Variants in ALK observed in about 807,000 individuals in gnomAD.
ALK encodes ALK tyrosine kinase receptor.
A neutral mutation model predicts 163.1 loss-of-function variants in ALK; 74 were observed. The observed-to-expected ratio is 0.45, with a 90% CI of 0.38 to 0.55. ALK has a LOEUF of 0.55. Ranked by LOEUF, ALK falls within the 20% of genes least tolerant of loss-of-function variation. The pLI is 0.00. For missense variants in ALK, 2,063 were observed against 2,105.3 expected (o/e 0.98, Z 0.39); for synonymous variants, 960 against 843.2 (o/e 1.14, Z -2.40).
intron 3 of ALK, among the ~76,000 whole-genome samples, chr2:29,686,777 G>A (rs1042342550): frequency 4.6e-5 from 7 of 152,192 alleles, no homozygotes; most frequent in African/African-American, 1.7e-4. Flanking sequence ...TGATGGGGAG[G>A]TGAACAATAC....
chr2:29,563,947 C>A (rs1304609263), intron 3 of ALK, among the ~76,000 whole-genome samples: 4 of 152,182 alleles, frequency 2.6e-5, no homozygotes, highest in Non-Finnish European at 5.9e-5. Context: ...TTTGTGGTCA[C>A]CTGCCACCTC....
intron 1 of ALK, among the ~76,000 whole-genome samples, chr2:29,840,788 T>C (rs1190611294): frequency 1.3e-5 from 2 of 152,262 alleles, no homozygotes; most frequent in African/African-American, 4.8e-5. Flanking sequence ...AAAATACTTC[T>C]ATTGCATTAT....
At chr2:29,621,923 T>A (rs1676048508) in intron 3 of ALK, among the ~76,000 whole-genome samples, 1 of 151,796 alleles carries the variant, frequency 6.6e-6, no homozygotes. Flanking sequence ...CTGGTGGGAA[T>A]AAGAAGAAGC....
chr2:29,860,314 G>A (rs1666247161), intron 1 of ALK, among the ~76,000 whole-genome samples: 1 of 150,262 alleles, frequency 6.7e-6, no homozygotes, highest in Non-Finnish European at 1.5e-5. Context: ...CTCTTGTTAG[G>A]AAGTCTCTTG....
intron 1 of ALK, among the ~76,000 whole-genome samples, chr2:29,734,999 T>C (rs1679852885): frequency 6.6e-6 from 1 of 152,216 alleles, no homozygotes; most frequent in Non-Finnish European, 1.5e-5. Context: ...ATGTGTAAAT[T>C]GCTATGCACA....
intron 1 of ALK, among the ~76,000 whole-genome samples, chr2:29,852,408 C>G (rs1391904436): frequency 6.6e-6 from 1 of 152,106 alleles, no homozygotes; most frequent in Non-Finnish European, 1.5e-5. Context: ...CATTACCTAC[C>G]AAGATGGGCC....
Position 29,831,283 on chromosome 2 carries a change from A to G in ALK, c.667+88710T>C, listed in dbSNP as rs1317766852. The stretch of plus-strand genomic sequence containing the variant: ...AGGAAGAAGAAGAAGAAGAAGAAGA[A>G]GAAGAAGAAGAAGAAGAAGAAGAAG... On this transcript the variant is annotated intron_variant, in intron 1 of 28. Transcript: ENST00000389048. Among the ~76,000 whole-genome samples the G allele has an allele frequency of 1.2e-4, 16 of 135,508 alleles. 1 individual carries two copies. The highest frequency in any genetic ancestry group is 2.8e-4 in the South Asian group (1 of 3,624). The allele number at this position is 135,508 out of a possible 152,430, so 88.9% of individuals were successfully genotyped here.
intron 5 of ALK, among the ~76,000 whole-genome samples, chr2:29,382,906 A>G (rs1241559825): frequency 5.9e-5 from 9 of 152,242 alleles, no homozygotes; most frequent in Admixed American, 1.3e-4. Context: ...ATGAAGAGCC[A>G]CAGGGGCAAA....
intron 3 of ALK, among the ~76,000 whole-genome samples, chr2:29,659,008 A>G (rs533711354): frequency 2.6e-4 from 40 of 152,254 alleles, no homozygotes; most frequent in Non-Finnish European, 4.3e-4. Context: ...AAGCAAACCC[A>G]TGTATCTCAC....
chr2:29,630,093 C>A (rs1469390194), intron 3 of ALK, among the ~76,000 whole-genome samples: 3 of 152,038 alleles, frequency 2.0e-5, no homozygotes, highest in African/African-American at 7.2e-5. Context: ...AGAGTCTGGG[C>A]GGAAATTTGA....
chr2:29,741,683 AC>A (rs1463553314), intron 1 of ALK, among the ~76,000 whole-genome samples: 1 of 151,972 alleles, frequency 6.6e-6, no homozygotes, highest in East Asian at 1.9e-4. Flanking sequence ...ACCAAGCTCA[AC>A]CCCTTTCTTA....
At chr2:29,538,185 TA>T (rs1221037256) in intron 3 of ALK, among the ~76,000 whole-genome samples, 1 of 151,652 alleles carries the variant, frequency 6.6e-6, no homozygotes, top group Non-Finnish European at 1.5e-5. Flanking sequence ...AAGGACATGA[TA>T]TTTGGGGGGG....
intron 3 of ALK, among the ~76,000 whole-genome samples, chr2:29,609,970 G>C (rs1268467340): frequency 1.3e-5 from 2 of 152,196 alleles, no homozygotes; most frequent in Non-Finnish European, 1.5e-5. Flanking sequence ...ATTTTCCTTA[G>C]GTTGAGATAA....
intron 3 of ALK, among the ~76,000 whole-genome samples, chr2:29,627,350 T>C (rs1237311248): frequency 6.6e-6 from 1 of 152,208 alleles, no homozygotes; most frequent in Non-Finnish European, 1.5e-5. Context: ...GAAGAGTATT[T>C]GCCTGCTCAC....
At chr2:29,527,321 C>T (rs111326446) in intron 4 of ALK, among the ~76,000 whole-genome samples, 120 of 152,264 alleles carry the variant, frequency 7.9e-4, no homozygotes, top group African/African-American at 1.2e-3. Context: ...TAAGTAAGCG[C>T]GGCAGCTGTG....
At position 29,265,653 on chromosome 2, in the gene ALK, G is replaced by T. The variant is rs375784731; in HGVS notation, c.2041+9446C>A. The stretch of plus-strand genomic sequence containing the variant: ...AATAAAAATTAGATGACTACAATTT[G>T]CTCTTATCTTATTATGAAGACACTG... On this transcript the variant is annotated intron_variant, in intron 11 of 28. Transcript: ENST00000389048. 1.8e-3 allele frequency among the ~76,000 whole-genome samples: 268 copies of T among 152,242 alleles called. 1 individual carries two copies. Among genetic ancestry groups the T allele is most frequent in the South Asian group, 3.9e-3 (19 of 4,822 alleles).
intron 12 of ALK, among the ~76,000 whole-genome samples, chr2:29,241,455 A>G (rs780391036): frequency 9.2e-5 from 14 of 151,920 alleles, no homozygotes; most frequent in Non-Finnish European, 1.8e-4. Context: ...GGCCAAAATA[A>G]GGGTCGTCAG....
chr2:29,315,061 TG>T (rs1666795149), intron 8 of ALK, among the ~76,000 whole-genome samples: 1 of 152,102 alleles, frequency 6.6e-6, no homozygotes, highest in East Asian at 1.9e-4. Flanking sequence ...CAGAATATAT[TG>T]TAAGTGGCTC....
intron 5 of ALK, among the ~76,000 whole-genome samples, chr2:29,377,079 T>G (rs1006841537): frequency 7.2e-5 from 11 of 152,252 alleles, no homozygotes; most frequent in Non-Finnish European, 1.5e-5. Context: ...AGCCTTGTGC[T>G]AAGCCCTAAT....
Sources: allele counts gnomAD v4.1 joint callset (sites outside exome capture counted in the v4.1 genomes callset), GRCh38; gene constraint gnomAD v4.1.1; transcripts MANE v1.5; gene names NCBI Gene and HGNC (gene_info 2026-07-23, HGNC 2026-07-21).